Variants in RGL1 observed in about 807,000 individuals in gnomAD.
The protein encoded by RGL1 is ral guanine nucleotide dissociation stimulator-like 1.
RGL1 carries 24 observed loss-of-function variants against 95.2 expected under a neutral mutation model. That is an observed-to-expected ratio of 0.25 (90% CI 0.18 to 0.35). The LOEUF (loss-of-function observed/expected upper bound fraction) is 0.35. Ranked by LOEUF, RGL1 falls within the 10% of genes least tolerant of loss-of-function variation. RGL1 has a pLI of 1.00. For synonymous variants in RGL1, 329 were observed against 344.9 expected, an observed-to-expected ratio of 0.95 and a Z score of 0.51; for missense variants, 715 against 936.3, an observed-to-expected ratio of 0.76 and a Z score of 3.08.
chr1:183,706,622 C>T (rs931705660), intron 1 of RGL1, among the ~76,000 whole-genome samples: 1 of 152,196 alleles, frequency 6.6e-6, no homozygotes, highest in Non-Finnish European at 1.5e-5. Flanking sequence ...TGGGTTTGGG[C>T]ATTGTCTGGA....
chr1:183,906,213 G>T (rs1324558513), intron 13 of RGL1, among the ~76,000 whole-genome samples: 1 of 152,188 alleles, frequency 6.6e-6, no homozygotes. Context: ...AAGCTCTGAA[G>T]ATGGCTGTAT....
chr1:183,900,329 C>G (rs920724736), intron 11 of RGL1, 93 bp downstream of exon 11: 11 of 960,230 alleles, frequency 1.1e-5, no homozygotes, highest in Non-Finnish European at 1.7e-5. Flanking sequence ...TTTTGAAGGT[C>G]CAAAAGTACA....
intron 15 of RGL1, among the ~76,000 whole-genome samples, chr1:183,915,091 G>A (rs1346194412): frequency 1.3e-5 from 2 of 152,138 alleles, no homozygotes; most frequent in African/African-American, 4.8e-5. Context: ...TCAGCTGGCT[G>A]GCTGTAAACT....
chr1:183,797,509 T>A (rs1050027404), intron 2 of RGL1, among the ~76,000 whole-genome samples: 1 of 152,218 alleles, frequency 6.6e-6, no homozygotes, highest in Admixed American at 6.5e-5. Context: ...CTGCCTAAAG[T>A]GGGCTTGTAA....
Position 183,799,756 on chromosome 1 carries a change from C to T in RGL1, c.133-6619C>T, listed in dbSNP as rs376859274. On this transcript the variant is annotated intron_variant, in intron 2 of 18. Transcript: ENST00000304685. Reference sequence around the variant, plus strand: ...ACAAGTTTTTATTACATACTTATTTCGAAGTACAGTGTCCATTATACTTTC... The same window carrying T: ...ACAAGTTTTTATTACATACTTATTTTGAAGTACAGTGTCCATTATACTTTC... 7.7e-4 allele frequency among the ~76,000 whole-genome samples: 118 copies of T among 152,258 alleles called. 1 individual carries two copies. Among genetic ancestry groups the T allele is most frequent in the South Asian group, 5.6e-3 (27 of 4,824 alleles).
chr1:183,666,669 T>A (rs1450925063), intron 1 of RGL1, among the ~76,000 whole-genome samples: 1 of 152,162 alleles, frequency 6.6e-6, no homozygotes, highest in Non-Finnish European at 1.5e-5. Context: ...TTTCCAGCTA[T>A]CTTTCTGTTT....
intron 2 of RGL1, among the ~76,000 whole-genome samples, chr1:183,760,684 A>G (rs1658617545): frequency 6.6e-6 from 1 of 151,694 alleles, no homozygotes; most frequent in South Asian, 2.1e-4. Context: ...ATCCTCACTC[A>G]GGAGGCTGTA....
At chr1:183,905,549 T>A (rs530948302) in intron 13 of RGL1, among the ~76,000 whole-genome samples, 1 of 152,278 alleles carries the variant, frequency 6.6e-6, no homozygotes, top group East Asian at 1.9e-4. Flanking sequence ...AAGAGAACAT[T>A]CCAGACCGAG....
intron 2 of RGL1, among the ~76,000 whole-genome samples, chr1:183,820,162 T>A (rs914796892): frequency 1.3e-5 from 2 of 152,212 alleles, no homozygotes; most frequent in Non-Finnish European, 2.9e-5. Flanking sequence ...ACAGTTCTTT[T>A]CACTTTTACT....
chr1:183,811,287 T>A (rs553678952), intron 2 of RGL1, among the ~76,000 whole-genome samples: 2 of 152,232 alleles, frequency 1.3e-5, no homozygotes, highest in South Asian at 4.2e-4. Flanking sequence ...TGCTGCTGAA[T>A]GTTGAAGAAA....
At chr1:183,812,872 C>T (rs1661818324) in intron 2 of RGL1, among the ~76,000 whole-genome samples, 1 of 152,066 alleles carries the variant, frequency 6.6e-6, no homozygotes, top group African/African-American at 2.4e-5. Context: ...TAAGGGAACC[C>T]GGTGGGAAAG....
intron 2 of RGL1, among the ~76,000 whole-genome samples, chr1:183,798,134 T>A (rs1452360610): frequency 3.3e-5 from 5 of 152,184 alleles, no homozygotes; most frequent in Admixed American, 3.3e-4. Flanking sequence ...AGTACTAAGG[T>A]GTGGAATGGA....
intron 10 of RGL1, 108 bp downstream of exon 10, chr1:183,898,005 T>A: frequency 1.2e-6 from 1 of 821,310 alleles, no homozygotes; most frequent in Non-Finnish European, 2.0e-6. Context: ...ACCCAGGCTT[T>A]CAGAAAGGGT....
At chr1:183,730,416 C>CA (rs1270306000) in intron 1 of RGL1, among the ~76,000 whole-genome samples, 3 of 152,250 alleles carry the variant, frequency 2.0e-5, no homozygotes, top group African/African-American at 7.2e-5. Flanking sequence ...CCACAAAACT[C>CA]ACTACCTCCC....
At chr1:183,706,387 C>T (rs1654915122) in intron 1 of RGL1, among the ~76,000 whole-genome samples, 1 of 152,158 alleles carries the variant, frequency 6.6e-6, no homozygotes, top group African/African-American at 2.4e-5. Flanking sequence ...AACATACTGG[C>T]CTACCTGCCA....
intron 17 of RGL1, 71 bp downstream of exon 17, chr1:183,922,407 C>A: frequency 1.8e-6 from 2 of 1,123,490 alleles, no homozygotes; most frequent in Non-Finnish European, 2.7e-6. Context: ...CAGTGCTCCG[C>A]GTTTAGAAGG....
At chr1:183,799,144 T>C (rs1295226799) in intron 2 of RGL1, among the ~76,000 whole-genome samples, 1 of 151,834 alleles carries the variant, frequency 6.6e-6, no homozygotes. Context: ...CCTCGTGATC[T>C]GCCTGCCTCG....
chr1:183,694,157 G>T (rs982509274), intron 1 of RGL1, among the ~76,000 whole-genome samples: 6 of 152,208 alleles, frequency 3.9e-5, no homozygotes, highest in African/African-American at 1.2e-4. Context: ...CTATCAGAGA[G>T]AATTTTATGT....
chr1:183,654,541 G>T (rs188552057), intron 1 of RGL1, among the ~76,000 whole-genome samples: 81 of 152,254 alleles, frequency 5.3e-4, no homozygotes, highest in African/African-American at 1.8e-3. Context: ...TTTTTCTCCC[G>T]CTAGCTGAAG....
Sources: allele counts gnomAD v4.1 joint callset (sites outside exome capture counted in the v4.1 genomes callset), GRCh38; gene constraint gnomAD v4.1.1; transcripts MANE v1.5; gene names NCBI Gene and HGNC (gene_info 2026-07-23, HGNC 2026-07-21).